The following LNX1 variants were observed in gnomAD, a reference collection of about 807,000 sequenced individuals.
The protein encoded by LNX1 is E3 ubiquitin-protein ligase LNX.
LNX1 carries 54 observed loss-of-function variants against 68.4 expected under a neutral mutation model. The ratio of observed to expected loss-of-function variants is 0.79; its 90% CI spans 0.63 to 0.99. The LOEUF (loss-of-function observed/expected upper bound fraction) is 0.99. Among genes scored for constraint, LNX1 ranks in the 50% least tolerant of loss-of-function variants. The pLI is 0.00. For synonymous variants in LNX1, 336 were observed against 350.0 expected, an observed-to-expected ratio of 0.96 and a Z score of 0.45; for missense variants, 906 against 926.4, an observed-to-expected ratio of 0.98 and a Z score of 0.29.
At chr4:53,613,151 AAGAGG>A (rs922421623) in intron 2 of LNX1, among the ~76,000 whole-genome samples, 11 of 150,914 alleles carry the variant, frequency 7.3e-5, no homozygotes, top group Admixed American at 2.0e-4. Flanking sequence ...TGTGGAAGAG[AAGAGG>A]AAGCACCAAG....
intron 1 of LNX1, among the ~76,000 whole-genome samples, chr4:53,578,221 C>A (rs190007679): frequency 1.3e-4 from 20 of 152,280 alleles, no homozygotes; most frequent in African/African-American, 4.6e-4. Context: ...AGCTTTAAAT[C>A]TCTTCAGGCT....
intron 2 of LNX1, among the ~76,000 whole-genome samples, chr4:53,556,016 T>G (rs778810129): frequency 1.3e-5 from 2 of 152,170 alleles, no homozygotes; most frequent in African/African-American, 2.4e-5. Context: ...AGTGGAGTGG[T>G]GGCCCCCAAA....
At chr4:53,560,030 G>A (rs1264145461) in intron 2 of LNX1, among the ~76,000 whole-genome samples, 1 of 152,132 alleles carries the variant, frequency 6.6e-6, no homozygotes, top group African/African-American at 2.4e-5. Context: ...ATCTCCAAGA[G>A]GTTTTGTTAT....
At chr4:53,631,929 T>A (rs115885793) in intron 1 of LNX1, among the ~76,000 whole-genome samples, 2,298 of 152,072 alleles carry the variant, frequency 0.015, 30 homozygotes, top group African/African-American at 0.039. Flanking sequence ...TGTTTGAAAA[T>A]TTTAAGTAAA....
intron 2 of LNX1, among the ~76,000 whole-genome samples, chr4:53,510,244 A>G (rs555064889): frequency 6.6e-6 from 1 of 152,364 alleles, no homozygotes; most frequent in Middle Eastern, 3.4e-3. Context: ...CTAGTTCACC[A>G]ATCTATGCAT....
At chr4:53,648,310 G>A (rs1734967891) in intron 1 of LNX1, among the ~76,000 whole-genome samples, 2 of 152,192 alleles carry the variant, frequency 1.3e-5, no homozygotes, top group Admixed American at 1.3e-4. Context: ...ATGCTAATGG[G>A]TGGGAGGTGG....
At chr4:53,624,464 T>C (rs909054457) in intron 1 of LNX1, among the ~76,000 whole-genome samples, 4 of 152,226 alleles carry the variant, frequency 2.6e-5, no homozygotes, top group Non-Finnish European at 5.9e-5. Flanking sequence ...TCTGCCATGA[T>C]TGTGAGTCCT....
intron 2 of LNX1, among the ~76,000 whole-genome samples, chr4:53,512,486 T>TTGTG (rs71662236): frequency 6.1e-5 from 2 of 32,878 alleles, no homozygotes; most frequent in African/African-American, 9.6e-5. Flanking sequence ...TACCCAGTGT[T>TTGTG]TGTGTGTGTG....
chr4:53,478,593 G>A lies in LNX1; in HGVS notation c.1635C>T (p.Val545=). 1 of 1,612,480 alleles carries A rather than the reference G, an allele frequency of 6.2e-7. No homozygotes were observed. The highest frequency in any genetic ancestry group is 8.5e-7 in the Non-Finnish European group (1 of 1,179,160). Residue 545 remains valine, a synonymous_variant, in exon 8 of 11, where the codon GTC becomes GTT. Transcript: ENST00000263925. ...IYVISVEPGG[V]ISRDGRIKTG... The stretch of plus-strand genomic sequence containing the variant: ...TTTTTATTCTTCCATCTCTGCTTAT[G>A]ACTCCTCCGGGCTCAACACTGATGA...
intron 4 of LNX1, 47 bp downstream of exon 4, chr4:53,507,269 CT>C (rs1725960335): frequency 1.3e-6 from 2 of 1,589,626 alleles, no homozygotes; most frequent in Non-Finnish European, 1.7e-6. Flanking sequence ...TGAAGTCCCC[CT>C]GGAAGCCCAG....
intron 2 of LNX1, among the ~76,000 whole-genome samples, chr4:53,567,589 G>C (rs1416490384): frequency 6.6e-6 from 1 of 151,784 alleles, no homozygotes; most frequent in Non-Finnish European, 1.5e-5. Context: ...AAAAGAACTA[G>C]AAAAGCAAGA....
rs577337737 is a variant in LNX1, at chr4:53,459,792, TAATC to T, written c.*1111_*1114del. On this transcript the variant is annotated 3_prime_UTR_variant, in exon 11 of 11. Transcript: ENST00000263925. Reference sequence around the variant, plus strand: ...TCCACTTGGGCCACAGTTTTTTTGTTAATCAAACACCACTCTCTTAAGAGGCTGC... The same window carrying T: ...TCCACTTGGGCCACAGTTTTTTTGTTAAACACCACTCTCTTAAGAGGCTGC... 1 of 318,274 alleles carries T rather than the reference TAATC, an allele frequency of 3.1e-6. No homozygotes were observed. Among genetic ancestry groups the T allele is most frequent in the South Asian group, 4.9e-5 (1 of 20,578 alleles). 19.7% of individuals were successfully genotyped at this position (318,274 alleles called of 1,614,324 possible). A position where few individuals can be genotyped will look rare whatever the true frequency, so the allele number is the denominator to read the frequency against.
At chr4:53,564,185 T>G (rs1157591307) in intron 2 of LNX1, among the ~76,000 whole-genome samples, 1 of 152,220 alleles carries the variant, frequency 6.6e-6, no homozygotes, top group Non-Finnish European at 1.5e-5. Flanking sequence ...AGCCTCTATC[T>G]CAGGCTTCCT....
chr4:53,535,425 CTT>C (rs1728302654), intron 2 of LNX1, among the ~76,000 whole-genome samples: 2 of 152,174 alleles, frequency 1.3e-5, no homozygotes, highest in Admixed American at 6.5e-5. Flanking sequence ...GAATAGCAAA[CTT>C]TATTTCACTC....
intron 2 of LNX1, among the ~76,000 whole-genome samples, chr4:53,563,994 T>C (rs1396551837): frequency 6.6e-6 from 1 of 152,220 alleles, no homozygotes; most frequent in Admixed American, 6.5e-5. Flanking sequence ...TGAGAGCATG[T>C]GTTGAGGCCC....
chr4:53,480,843 G>A (rs2109416774), intron 7 of LNX1, among the ~76,000 whole-genome samples: 1 of 152,216 alleles, frequency 6.6e-6, no homozygotes, highest in Admixed American at 6.5e-5. Context: ...GAAAGAAAAG[G>A]GCATTCCCTA....
chr4:53,476,808 T>C lies in LNX1; in HGVS notation c.1837A>G (p.Met613Val), dbSNP rs1410904077. Residue 613 changes from methionine (M) to valine (V), a missense_variant, in exon 9 of 11, where the codon ATG becomes GTG. By Grantham distance (21) the Met-to-Val change is conservative (BLOSUM62 1). Transcript: ENST00000263925. ...SPAALDSNHN[M>V]APPSDWSPSW... ...GGGGACCAGTCACTGGGTGGGGCCA[T>C]GTTGTGGTTGGAGTCCAGGGCTGCT... 1 of 1,614,086 alleles carries C rather than the reference T, an allele frequency of 6.2e-7. No individual in the cohort carries two copies. The highest frequency in any genetic ancestry group is 2.2e-5 in the East Asian group (1 of 44,860).
intron 1 of LNX1, among the ~76,000 whole-genome samples, chr4:53,645,544 C>T (rs2668551): frequency 0.82 from 125,063 of 152,200 alleles, 51,847 homozygotes; most frequent in African/African-American, 0.94. Flanking sequence ...CATTGAGGCA[C>T]GTTGCAAAGA....
chr4:53,537,989 C>A (rs1560652698), intron 2 of LNX1, among the ~76,000 whole-genome samples: 1 of 152,174 alleles, frequency 6.6e-6, no homozygotes, highest in East Asian at 1.9e-4. Flanking sequence ...TCAATAATTG[C>A]TTCTCTAATT....
Sources: gnomAD v4.1 joint callset for allele counts (sites outside exome capture counted in the v4.1 genomes callset) on GRCh38, gnomAD v4.1.1 for gene constraint, MANE v1.5 for transcripts, NCBI Gene and HGNC (gene_info 2026-07-23, HGNC 2026-07-21) for gene names.